Variants in SLC24A3 observed in about 807,000 individuals in gnomAD.
SLC24A3 encodes the protein solute carrier family 24 member 3.
In SLC24A3, 28 loss-of-function variants were observed where a neutral mutation model predicts 75.8. That is an observed-to-expected ratio of 0.37 (90% CI 0.27 to 0.51). The LOEUF (loss-of-function observed/expected upper bound fraction) is 0.51. SLC24A3 is among the 20% of genes least tolerant of loss of function. The pLI, the probability that SLC24A3 is intolerant of heterozygous loss-of-function variation, is 0.94. For synonymous variants in SLC24A3, 372 were observed against 334.1 expected, an observed-to-expected ratio of 1.11 and a Z score of -1.24; for missense variants, 663 against 847.8, an observed-to-expected ratio of 0.78 and a Z score of 2.71.
rs566064952 is a variant in SLC24A3, at chr20:19,670,468, G to T, written c.714-3133G>T. Among the ~76,000 whole-genome samples the T allele has an allele frequency of 6.6e-5, 10 of 152,324 alleles. No individual in the cohort carries two copies. The East Asian group carries it at 1.7e-3, about 26-fold the overall frequency. On this transcript the variant is annotated intron_variant, in intron 8 of 16. Transcript: ENST00000328041. Reference sequence around the variant, plus strand: ...AGAACCTGGTTTGAATATTGCAACAGAAGGGCTTTTGATGAGTAAAAAATT... The same window carrying T: ...AGAACCTGGTTTGAATATTGCAACATAAGGGCTTTTGATGAGTAAAAAATT...
intron 2 of SLC24A3, among the ~76,000 whole-genome samples, chr20:19,508,262 T>G (rs1265039096): frequency 6.6e-6 from 1 of 152,184 alleles, no homozygotes; most frequent in African/African-American, 2.4e-5. Context: ...GCATCCAGAC[T>G]GCCATCCTTC....
chr20:19,323,577 C>T (rs1266629331), intron 2 of SLC24A3, among the ~76,000 whole-genome samples: 1 of 152,220 alleles, frequency 6.6e-6, no homozygotes, highest in Non-Finnish European at 1.5e-5. Flanking sequence ...CCCCCCAGCA[C>T]ACATCCCTAG....
At chr20:19,229,448 A>G (rs1035882341) in intron 1 of SLC24A3, among the ~76,000 whole-genome samples, 2 of 152,040 alleles carry the variant, frequency 1.3e-5, no homozygotes, top group South Asian at 4.1e-4. Context: ...TTGCTTTATA[A>G]TGCATTTGAT....
At chr20:19,548,141 A>C (rs2030632095) in intron 3 of SLC24A3, among the ~76,000 whole-genome samples, 1 of 152,216 alleles carries the variant, frequency 6.6e-6, no homozygotes, top group Admixed American at 6.5e-5. Context: ...AGCAAGGCTG[A>C]TGTTCCGCGC....
chr20:19,583,227 G>A (rs765670059), intron 4 of SLC24A3, among the ~76,000 whole-genome samples: 4 of 152,186 alleles, frequency 2.6e-5, no homozygotes, highest in Non-Finnish European at 4.4e-5. Context: ...TTGACGCTGC[G>A]AGGGACAGAG....
chr20:19,675,905 A>C (rs2032516858), intron 9 of SLC24A3, among the ~76,000 whole-genome samples: 1 of 152,108 alleles, frequency 6.6e-6, no homozygotes, highest in Non-Finnish European at 1.5e-5. Context: ...CTGTGTGTGT[A>C]CTCACACATC....
intron 2 of SLC24A3, among the ~76,000 whole-genome samples, chr20:19,514,819 T>C (rs1309807801): frequency 2.6e-5 from 4 of 152,284 alleles, no homozygotes; most frequent in South Asian, 2.1e-4. Flanking sequence ...GTTGGCATTC[T>C]GGTCCAGCCA....
chr20:19,641,821 A>G (rs1305741288), intron 6 of SLC24A3, among the ~76,000 whole-genome samples: 1 of 152,156 alleles, frequency 6.6e-6, no homozygotes, highest in Non-Finnish European at 1.5e-5. Flanking sequence ...CAAAGTTGAA[A>G]ACCAGGGCCT....
intron 4 of SLC24A3, 48 bp downstream of exon 4, chr20:19,580,122 A>T: frequency 1.3e-6 from 2 of 1,525,010 alleles, no homozygotes; most frequent in Non-Finnish European, 1.8e-6. Context: ...TGGGGACTGG[A>T]CCTGTGCCCT....
chr20:19,537,049 T>G (rs2122582592), intron 3 of SLC24A3, among the ~76,000 whole-genome samples: 2 of 152,178 alleles, frequency 1.3e-5, no homozygotes, highest in Middle Eastern at 6.8e-3. Flanking sequence ...ACTAAAGAGC[T>G]TCTGCACAGC....
chr20:19,626,453 G>A (rs1460361181), intron 6 of SLC24A3, among the ~76,000 whole-genome samples: 4 of 152,152 alleles, frequency 2.6e-5, no homozygotes, highest in Non-Finnish European at 5.9e-5. Flanking sequence ...GTTATTGAAG[G>A]TGACAGAAAA....
At chr20:19,543,833 T>C (rs1028133149) in intron 3 of SLC24A3, among the ~76,000 whole-genome samples, 3 of 152,250 alleles carry the variant, frequency 2.0e-5, no homozygotes, top group Admixed American at 6.5e-5. Flanking sequence ...CAGTCCTGCC[T>C]CGGGTACAAT....
intron 2 of SLC24A3, among the ~76,000 whole-genome samples, chr20:19,406,140 G>A (rs575391340): frequency 3.3e-5 from 5 of 151,990 alleles, no homozygotes; most frequent in East Asian, 1.9e-4. Flanking sequence ...AGCCCATCCC[G>A]AAGTGCTTAT....
intron 1 of SLC24A3, among the ~76,000 whole-genome samples, chr20:19,267,353 A>G (rs947997155): frequency 6.6e-5 from 10 of 152,236 alleles, no homozygotes; most frequent in South Asian, 2.1e-4. Context: ...ACTATGGGCT[A>G]TAACTACTAA....
rs924558356 is a variant in SLC24A3 at position 19,212,817 on chromosome 20, C to G, written c.-26C>G. 16 of 980,924 alleles carry G rather than the reference C, an allele frequency of 1.6e-5. No homozygotes were observed. The African/African-American group carries it at 1.9e-4, about 12-fold the overall frequency. 60.8% of individuals were successfully genotyped at this position (980,924 alleles called of 1,614,324 possible). On this transcript the variant is annotated 5_prime_UTR_variant, in exon 1 of 17. Transcript: ENST00000328041. ...CGCGACAGGAGCGGCCGCCGCCCGC[C>G]GAGGCCGCCGCCCGGCCGCCCGAGG...
rs572792695 is a variant in SLC24A3, at chr20:19,709,479, G to A, written c.1720-8049G>A. On this transcript the variant is annotated intron_variant, in intron 15 of 16. Coordinates refer to ENST00000328041, the MANE Select transcript of SLC24A3 (RefSeq NM_020689.4). ...CCTACTAAAAACACAAAAATTAGCC[G>A]AGCGTGGTGGCACACACCTATAGTC... Among the ~76,000 whole-genome samples, 11 of 152,140 alleles carry A rather than the reference G, an allele frequency of 7.2e-5. No homozygotes were observed. In the South Asian group the frequency reaches 8.3e-4, roughly 12 times the overall value.
At chr20:19,639,258 C>T (rs4410352) in intron 6 of SLC24A3, among the ~76,000 whole-genome samples, 7,176 of 152,224 alleles carry the variant, frequency 0.047, 246 homozygotes, top group African/African-American at 0.095. Context: ...GGTGCATTCA[C>T]AAACCCTGAG....
At chr20:19,216,353 A>G (rs777468496) in intron 1 of SLC24A3, among the ~76,000 whole-genome samples, 22 of 152,308 alleles carry the variant, frequency 1.4e-4, no homozygotes, top group Non-Finnish European at 2.4e-4. Flanking sequence ...GAGTAATTCT[A>G]GACTTTCTCT....
chr20:19,616,299 T>C (rs181859195), intron 6 of SLC24A3, among the ~76,000 whole-genome samples: 50 of 152,338 alleles, frequency 3.3e-4, no homozygotes, highest in African/African-American at 1.2e-3. Flanking sequence ...AGCCAACAGC[T>C]TGAAGCCACC....
Sources: gnomAD v4.1 joint callset for allele counts (sites outside exome capture counted in the v4.1 genomes callset) on GRCh38, gnomAD v4.1.1 for gene constraint, MANE v1.5 for transcripts, NCBI Gene and HGNC (gene_info 2026-07-23, HGNC 2026-07-21) for gene names.